Variants in NECTIN4 observed in about 807,000 individuals in gnomAD.
The protein encoded by NECTIN4 is nectin cell adhesion molecule 4, also known as nectin-4.
In NECTIN4, 19 loss-of-function variants were observed where a neutral mutation model predicts 51.7. The observed-to-expected ratio is 0.37, with a 90% CI of 0.26 to 0.54. The LOEUF is 0.54. NECTIN4 is among the 20% of genes least tolerant of loss of function. The pLI, the probability that NECTIN4 is intolerant of heterozygous loss-of-function variation, is 0.86. For synonymous variants in NECTIN4, 283 were observed against 286.9 expected, an observed-to-expected ratio of 0.99 and a Z score of 0.14; for missense variants, 619 against 662.4, an observed-to-expected ratio of 0.93 and a Z score of 0.72.
chr1:161,082,698 C>T (rs1653741838), intron 1 of NECTIN4, among the ~76,000 whole-genome samples: 1 of 152,038 alleles, frequency 6.6e-6, no homozygotes, highest in Non-Finnish European at 1.5e-5. Flanking sequence ...AATGTTGGTC[C>T]CACCCAGCCC....
Position 161,072,842 on chromosome 1 carries a change from A to T in NECTIN4, c.1352T>A (p.Val451Glu), listed in dbSNP as rs1168611162. The change falls in exon 9 of 9, where the codon GTG (valine) becomes GAG (glutamate). Residue 451 changes from valine to glutamate, a missense_variant. Around this residue, in one of 3 missense-constraint regions of NECTIN4, gnomAD observed 364 missense variants for 415.7 expected, o/e 0.88. Transcript: ENST00000368012. ...EGRSYSTLTT[V>E]REIETQTELL... Reference sequence around the variant, plus strand: ...TTCAGTCTGTGTTTCTATCTCCCTCACCGTGGTCAGCGTGGAGTAACTGCG... The same window carrying T: ...TTCAGTCTGTGTTTCTATCTCCCTCTCCGTGGTCAGCGTGGAGTAACTGCG... 3 of 1,613,978 alleles carry T rather than the reference A, an allele frequency of 1.9e-6. No homozygotes were observed. In the African/African-American group the frequency reaches 4.0e-5, roughly 22 times the overall value.
chr1:161,077,368 C>G (rs560695203), intron 3 of NECTIN4, 85 bp downstream of exon 3: 2 of 1,508,196 alleles, frequency 1.3e-6, no homozygotes, highest in Admixed American at 3.3e-5. Flanking sequence ...GGCTGGCCAG[C>G]CTGGCATGGC....
chr1:161,079,578 A>T lies in NECTIN4; in HGVS notation c.439+12T>A, dbSNP rs1305385015. On this transcript the variant is annotated intron_variant, in intron 2 of 8. Transcript: ENST00000368012. ...ACAGCGGCTCAGACCGTACCCAGAGATCCCCGCTTACCCAGCACTCGGAGC... is the reference window on the plus strand; with the variant it reads ...ACAGCGGCTCAGACCGTACCCAGAGTTCCCCGCTTACCCAGCACTCGGAGC... The T allele has an allele frequency of 1.2e-6, 2 of 1,602,262 alleles. No homozygotes were observed. The highest frequency in any genetic ancestry group is 3.3e-5 in the Admixed American group (2 of 59,796).
chr1:161,081,785 C>T (rs1322874671), intron 1 of NECTIN4, among the ~76,000 whole-genome samples: 3 of 152,024 alleles, frequency 2.0e-5, no homozygotes, highest in African/African-American at 4.8e-5. Context: ...ACATCATTTC[C>T]AGCAGGAGTC....
intron 1 of NECTIN4, among the ~76,000 whole-genome samples, chr1:161,080,407 G>A (rs1245741108): frequency 1.3e-5 from 2 of 152,210 alleles, no homozygotes; most frequent in Non-Finnish European, 2.9e-5. Context: ...GGAAAAAGTG[G>A]ATAGTTTCAG....
In NECTIN4 at chr1:161,072,688, G is replaced by A; in HGVS notation, c.1506C>T (p.Tyr502=). The change falls in exon 9 of 9, where the codon TAC becomes TAT. Residue 502 remains tyrosine (Y), a synonymous_variant. Transcript: ENST00000368012. ...LRAKPTGNGI[Y]INGRGHLV is the part of the protein sequence containing the mutation. The stretch of plus-strand genomic sequence containing the variant: ...AGACCAGGTGTCCCCGCCCATTGAT[G>A]TAGATGCCATTGCCCGTGGGCTTGG... 1 of 1,614,244 alleles carries A rather than the reference G, an allele frequency of 6.2e-7. No homozygotes were observed. The highest frequency in any genetic ancestry group is 8.5e-7 in the Non-Finnish European group (1 of 1,180,034).
rs1047489891 is a variant in NECTIN4, at chr1:161,072,577, G to T, written c.*84C>A. On this transcript the variant is annotated 3_prime_UTR_variant, in exon 9 of 9. Transcript: ENST00000368012. The stretch of plus-strand genomic sequence containing the variant: ...GGAGCATCTTCCGCAAGAAATGGGG[G>T]TGTTTAAGGAGGCCCCCAAGATGAG... 6 of 1,104,358 alleles carry T rather than the reference G, an allele frequency of 5.4e-6. No individual in the cohort carries two copies. The highest frequency in any genetic ancestry group is 3.4e-5 in the Admixed American group (2 of 58,424). The allele number at this position is 1,104,358 out of a possible 1,614,324, so 68.4% of individuals were successfully genotyped here. A position where few individuals can be genotyped will look rare whatever the true frequency, so the allele number is the denominator to read the frequency against.
chr1:161,089,308 A>C lies in NECTIN4; in HGVS notation c.-12T>G, dbSNP rs1654091178. On this transcript the variant is annotated 5_prime_UTR_variant, in exon 1 of 9. Coordinates refer to ENST00000368012, the MANE Select transcript of NECTIN4 (RefSeq NM_030916.3). The surrounding 1 kb of genome is among the most constrained non-coding windows in gnomAD (Gnocchi z 4.1). ...AGGGACAGGGGCATGGTTGAAAGGC[A>C]GACTGCCCAGCGTTTCTGAAGTTCC... 5.0e-6 allele frequency: 8 copies of C among 1,607,044 alleles called. No homozygotes were observed. The highest frequency in any genetic ancestry group is 6.8e-6 in the Non-Finnish European group (8 of 1,179,444).
At chr1:161,073,911 T>C (rs1653298502) in intron 6 of NECTIN4, 116 bp from the exon 7 acceptor site, 2 of 939,224 alleles carry the variant, frequency 2.1e-6, no homozygotes, top group Non-Finnish European at 3.4e-6. Flanking sequence ...GTGCTGGCCC[T>C]GCAAGTGTGA....
Position 161,072,498 on chromosome 1 carries a change from C to T in NECTIN4, c.*163G>A. On this transcript the variant is annotated 3_prime_UTR_variant, in exon 9 of 9. Transcript: ENST00000368012. ...GGTGGGAGAGACTCAATTGGTGGAG[C>T]CCTCCCGATGAACAGAAGGGTTGGA... is the stretch of plus-strand genomic sequence containing the variant. The T allele has an allele frequency of 2.9e-6, 2 of 679,238 alleles. No individual in the cohort carries two copies. Among genetic ancestry groups the T allele is most frequent in the Admixed American group, 4.2e-5 (2 of 47,730 alleles). The allele number at this position is 679,238 out of a possible 1,614,324, so 42.1% of individuals were successfully genotyped here. A position where few individuals can be genotyped will look rare whatever the true frequency, so the allele number is the denominator to read the frequency against.
chr1:161,082,707 C>T (rs1297583888), intron 1 of NECTIN4, among the ~76,000 whole-genome samples: 1 of 152,096 alleles, frequency 6.6e-6, no homozygotes, highest in East Asian at 1.9e-4. Context: ...CCCACCCAGC[C>T]CAGCCTGGGA....
At position 161,079,637 on chromosome 1, in the gene NECTIN4, G is replaced by C; in HGVS notation, c.392C>G (p.Thr131Ser). ...DEGEYECRVS[T>S]FPAGSFQARL... ...CGCCTGGAAGCTGCCGGCGGGGAAG[G>C]TGCTGACCCGGCACTCGTACTCGCC... The change falls in exon 2 of 9, where the codon ACC becomes AGC. Residue 131 changes from threonine to serine, a missense_variant. Coordinates refer to ENST00000368012, the MANE Select transcript of NECTIN4 (RefSeq NM_030916.3). 1 of 1,605,340 alleles carries C rather than the reference G, an allele frequency of 6.2e-7. No individual in the cohort carries two copies. Among genetic ancestry groups the C allele is most frequent in the Non-Finnish European group, 8.5e-7 (1 of 1,179,692 alleles).
At position 161,074,313 on chromosome 1, in the gene NECTIN4, CCCA is replaced by C. The variant is rs755873252; in HGVS notation, c.1058_1060del (p.Val353del). ...GCAGAACAAGAGTGCGGCGATCACA[CCCA>C]CCACCACCACCGAGGCTGACACTAG... On this transcript the variant is annotated inframe_deletion, in exon 6 of 9. Transcript: ENST00000368012. 1 of 1,613,840 alleles carries C rather than the reference CCCA, an allele frequency of 6.2e-7. No homozygotes were observed. Among genetic ancestry groups the C allele is most frequent in the South Asian group, 1.1e-5 (1 of 91,072 alleles).
chr1:161,085,838 C>T (rs1653922230), intron 1 of NECTIN4, among the ~76,000 whole-genome samples: 2 of 151,934 alleles, frequency 1.3e-5, no homozygotes, highest in African/African-American at 4.8e-5. Flanking sequence ...AGGTATACTA[C>T]CATGCCTGGC....
At chr1:161,074,781 G>C (rs768208920) in intron 4 of NECTIN4, 22 bp from the exon 5 acceptor site, 10 of 1,611,222 alleles carry the variant, frequency 6.2e-6, no homozygotes, top group Non-Finnish European at 7.6e-6. Flanking sequence ...GGAAGCTGAA[G>C]GGTGCCAGCC....
intron 3 of NECTIN4, among the ~76,000 whole-genome samples, chr1:161,076,919 GCTTGAAATCTAGCA>G (rs1235800596): frequency 6.6e-6 from 1 of 152,340 alleles, no homozygotes; most frequent in East Asian, 1.9e-4. Context: ...CCCTCCAGAG[GCTTGAAATCTAGCA>G]CTGGGAAAAC....
At chr1:161,080,979 A>G (rs908593435) in intron 1 of NECTIN4, among the ~76,000 whole-genome samples, 159 of 152,260 alleles carry the variant, frequency 1.0e-3, no homozygotes, top group African/African-American at 3.7e-3. Context: ...TCACTATGGG[A>G]CTGAATCATT....
intron 1 of NECTIN4, among the ~76,000 whole-genome samples, chr1:161,084,089 GT>G (rs1432079926): frequency 6.6e-6 from 1 of 152,226 alleles, no homozygotes; most frequent in Non-Finnish European, 1.5e-5. Context: ...GTAAGTATGA[GT>G]TTTTTGTGTA....
In NECTIN4 at chr1:161,078,909, G is replaced by A. The variant is rs566307591; in HGVS notation, c.439+681C>T. ...CGCCTGTAGACCCAGCTACTCGGGA[G>A]GCTGAGGCAGGAGAATGGCGTGAAC... is the stretch of plus-strand genomic sequence containing the variant. On this transcript the variant is annotated intron_variant, in intron 2 of 8. Coordinates refer to ENST00000368012, the MANE Select transcript of NECTIN4 (RefSeq NM_030916.3). Among the ~76,000 whole-genome samples, 53 of 152,252 alleles carry A rather than the reference G, an allele frequency of 3.5e-4. 1 individual carries two copies. The highest frequency in any genetic ancestry group is 2.9e-5 in the Non-Finnish European group (2 of 68,004).
Sources: gnomAD v4.1 joint callset for allele counts (sites outside exome capture counted in the v4.1 genomes callset) on GRCh38, gnomAD v4.1.1 for gene constraint, gnomAD v4.1.1 regional missense constraint, Gnocchi (gnomAD v3.1) non-coding constraint, MANE v1.5 for transcripts, NCBI Gene and HGNC (gene_info 2026-07-23, HGNC 2026-07-21) for gene names.